The following SCAI variants were observed in gnomAD, a reference collection of about 807,000 sequenced individuals.
SCAI encodes suppressor of cancer cell invasion, also known as protein SCAI.
In SCAI, 24 loss-of-function variants were observed where a neutral mutation model predicts 92.2. The observed-to-expected ratio is 0.26, with a 90% CI of 0.19 to 0.37. The LOEUF is 0.37. SCAI is among the 10% of genes least tolerant of loss of function. The pLI is 1.00. For missense variants in SCAI, 450 were observed against 736.2 expected (o/e 0.61, Z 4.50); for synonymous variants, 261 against 258.6 (o/e 1.01, Z -0.09).
chr9:125,098,885 C>T (rs1834619414), intron 2 of SCAI, among the ~76,000 whole-genome samples: 2 of 151,968 alleles, frequency 1.3e-5, no homozygotes, highest in Non-Finnish European at 2.9e-5. Context: ...TCTGTATGTG[C>T]CCTTATCCCT....
rs182663033 is a variant in SCAI, at chr9:125,046,984, T to C, written c.230+8892A>G. On this transcript the variant is annotated intron_variant, in intron 3 of 17. Coordinates refer to ENST00000336505, the MANE Select transcript of SCAI (RefSeq NM_001144877.3). ...GAAATGGTGACAGCATAGTATTGAA[T>C]CTATTCAGATACCTTCCCAACACAG... Among the ~76,000 whole-genome samples the C allele has an allele frequency of 1.4e-3, 207 of 152,264 alleles. 3 individuals carry two copies. The highest frequency in any genetic ancestry group is 4.6e-3 in the African/African-American group (192 of 41,562).
chr9:124,958,843 G>T (rs1209781349), intron 17 of SCAI, among the ~76,000 whole-genome samples: 1 of 149,396 alleles, frequency 6.7e-6, no homozygotes, highest in Non-Finnish European at 1.5e-5. Flanking sequence ...GGAGGCAGAG[G>T]TTGCAGTGAG....
intron 2 of SCAI, among the ~76,000 whole-genome samples, chr9:125,084,372 G>A (rs908857632): frequency 5.9e-5 from 9 of 151,876 alleles, no homozygotes; most frequent in Non-Finnish European, 1.0e-4. Context: ...GGGTTTCACC[G>A]TGTTAGCCAG....
At chr9:125,116,360 G>A (rs960078838) in intron 2 of SCAI, among the ~76,000 whole-genome samples, 1 of 151,956 alleles carries the variant, frequency 6.6e-6, no homozygotes, top group African/African-American at 2.4e-5. Flanking sequence ...GCCCTCACAG[G>A]GCTTGTATTT....
intron 2 of SCAI, among the ~76,000 whole-genome samples, chr9:125,099,636 A>C (rs962313597): frequency 1.3e-5 from 2 of 152,228 alleles, no homozygotes; most frequent in Non-Finnish European, 2.9e-5. Context: ...TATCACTGGT[A>C]CTTTGGCTTA....
At chr9:125,056,293 T>C (rs1833664351) in intron 2 of SCAI, among the ~76,000 whole-genome samples, 1 of 151,950 alleles carries the variant, frequency 6.6e-6, no homozygotes, top group Non-Finnish European at 1.5e-5. Context: ...TGGAGAAAGC[T>C]TGTCTCTACT....
At position 125,143,454 on chromosome 9, in the gene SCAI, C is replaced by T. The variant is rs1386709439; in HGVS notation, c.-17G>A. 1 of 1,351,534 alleles carries T rather than the reference C, an allele frequency of 7.4e-7. No individual in the cohort carries two copies. The highest frequency in any genetic ancestry group is 9.5e-7 in the Non-Finnish European group (1 of 1,049,596). 83.7% of individuals were successfully genotyped at this position (1,351,534 alleles called of 1,614,324 possible). A position where few individuals can be genotyped will look rare whatever the true frequency, so the allele number is the denominator to read the frequency against. On this transcript the variant is annotated 5_prime_UTR_variant, in exon 1 of 18. Coordinates refer to ENST00000336505, the MANE Select transcript of SCAI (RefSeq NM_001144877.3). ...TCTGACCATCCGGCTCCTGCTCCGCCGCGGGAGCTGCTCCGGCGGCCGCAG... is the reference window on the plus strand; with the variant it reads ...TCTGACCATCCGGCTCCTGCTCCGCTGCGGGAGCTGCTCCGGCGGCCGCAG...
At chr9:125,052,560 G>T (rs1833581134) in intron 3 of SCAI, among the ~76,000 whole-genome samples, 1 of 151,930 alleles carries the variant, frequency 6.6e-6, no homozygotes, top group Non-Finnish European at 1.5e-5. Context: ...GGAGGCGGAG[G>T]TTGCAGTGAG....
At chr9:125,047,330 G>A (rs1254083625) in intron 3 of SCAI, among the ~76,000 whole-genome samples, 1 of 152,168 alleles carries the variant, frequency 6.6e-6, no homozygotes, top group Non-Finnish European at 1.5e-5. Flanking sequence ...AGGAGAGAGG[G>A]CTCAGAACAA....
In SCAI at chr9:125,076,843, G is replaced by C; in HGVS notation, c.99-20836C>G. Among the ~76,000 whole-genome samples the C allele has an allele frequency of 1.3e-5, 2 of 152,076 alleles. 1 individual carries two copies. The highest frequency in any genetic ancestry group is 4.1e-4 in the South Asian group (2 of 4,822). ...GCCTCCCTAGTAGCTGGGACTACAG[G>C]CAAGTGCCATCACACCTGGCTAATG... On this transcript the variant is annotated intron_variant, in intron 2 of 17. Coordinates refer to ENST00000336505, the MANE Select transcript of SCAI (RefSeq NM_001144877.3).
rs1196313551 is a variant in SCAI at position 124,952,154 on chromosome 9, A to C, written c.*653T>G. On this transcript the variant is annotated 3_prime_UTR_variant, in exon 18 of 18. Coordinates refer to ENST00000336505, the MANE Select transcript of SCAI (RefSeq NM_001144877.3). ...CAGACTACAAAGAAAATATGCAAAT[A>C]AATCTCATAATACTCATACATTCCA... 1 of 152,216 alleles carries C rather than the reference A, an allele frequency of 6.6e-6. No individual in the cohort carries two copies. Among genetic ancestry groups the C allele is most frequent in the Non-Finnish European group, 1.5e-5 (1 of 68,024 alleles). The allele number at this position is 152,216 out of a possible 1,614,324, so 9.4% of individuals were successfully genotyped here. A position where few individuals can be genotyped will look rare whatever the true frequency, so the allele number is the denominator to read the frequency against.
chr9:125,124,368 G>C (rs146623443), intron 2 of SCAI, among the ~76,000 whole-genome samples: 66 of 152,296 alleles, frequency 4.3e-4, no homozygotes, highest in Admixed American at 8.5e-4. Context: ...AAGATTGTCA[G>C]TCAGTAAGCT....
rs111747327 is a variant in SCAI at position 125,059,291 on chromosome 9, T to C, written c.99-3284A>G. The stretch of plus-strand genomic sequence containing the variant: ...CTACAAAATAACCAACCTGTAATCT[T>C]CAAAAATGTCAAGTACTTTCCTTCA... On this transcript the variant is annotated intron_variant, in intron 2 of 17. Transcript: ENST00000336505. 1.8e-3 allele frequency among the ~76,000 whole-genome samples: 281 copies of C among 152,242 alleles called. 1 individual carries two copies. The highest frequency in any genetic ancestry group is 4.9e-3 in the African/African-American group (203 of 41,540).
chr9:125,115,706 T>C (rs148368603), intron 2 of SCAI, among the ~76,000 whole-genome samples: 98 of 152,158 alleles, frequency 6.4e-4, no homozygotes, highest in African/African-American at 2.3e-3. Context: ...TTAAATAATA[T>C]AGTTATATTC....
At chr9:125,128,342 G>A (rs369988668) in intron 2 of SCAI, among the ~76,000 whole-genome samples, 78 of 151,954 alleles carry the variant, frequency 5.1e-4, no homozygotes, top group African/African-American at 1.8e-3. Flanking sequence ...TAATTTGGCC[G>A]GGTGCGGTGG....
In SCAI at chr9:124,948,561, G is replaced by C. The variant is rs1831187891; in HGVS notation, c.*4246C>G. 6.6e-6 allele frequency: 1 copy of C among 152,330 alleles called. No homozygotes were observed. Among genetic ancestry groups the C allele is most frequent in the Non-Finnish European group, 1.5e-5 (1 of 68,026 alleles). 9.4% of individuals were successfully genotyped at this position (152,330 alleles called of 1,614,324 possible). A position where few individuals can be genotyped will look rare whatever the true frequency, so the allele number is the denominator to read the frequency against. ...ACTGGGCTGAGATGAGGAGATCTGA[G>C]TTTTAGTTCTAGCTCTATCACTATG... On this transcript the variant is annotated 3_prime_UTR_variant, in exon 18 of 18. Coordinates refer to ENST00000336505, the MANE Select transcript of SCAI (RefSeq NM_001144877.3).
At chr9:125,086,933 G>A (rs979232791) in intron 2 of SCAI, among the ~76,000 whole-genome samples, 1 of 152,180 alleles carries the variant, frequency 6.6e-6, no homozygotes, top group Admixed American at 6.5e-5. Context: ...GTTTAGAAGA[G>A]AGTCTGGCAT....
chr9:124,960,475 A>C (rs772280686), intron 17 of SCAI, among the ~76,000 whole-genome samples: 1 of 152,232 alleles, frequency 6.6e-6, no homozygotes, highest in Non-Finnish European at 1.5e-5. Context: ...AGACAATGGA[A>C]TACTACTCAG....
At chr9:125,128,480 G>A (rs1018251877) in intron 2 of SCAI, among the ~76,000 whole-genome samples, 3 of 151,964 alleles carry the variant, frequency 2.0e-5, no homozygotes, top group South Asian at 2.1e-4. Flanking sequence ...ATGGCCAGGC[G>A]CTGTGGCTCA....
Sources: gnomAD v4.1 joint callset for allele counts (sites outside exome capture counted in the v4.1 genomes callset) on GRCh38, gnomAD v4.1.1 for gene constraint, MANE v1.5 for transcripts, NCBI Gene and HGNC (gene_info 2026-07-23, HGNC 2026-07-21) for gene names.